ABHD17C: variants seen among roughly 807,000 people sequenced by gnomAD.
ABHD17C encodes the protein alpha/beta hydrolase domain-containing protein 17C.
In ABHD17C, 11 loss-of-function variants were observed where a neutral mutation model predicts 27.9. The observed-to-expected ratio is 0.39, with a 90% CI of 0.25 to 0.65. The LOEUF (loss-of-function observed/expected upper bound fraction) is 0.65. Among genes scored for constraint, ABHD17C ranks in the 30% least tolerant of loss-of-function variants. The pLI, the probability that ABHD17C is intolerant of heterozygous loss-of-function variation, is 0.45. For synonymous variants in ABHD17C, 233 were observed against 209.1 expected, an observed-to-expected ratio of 1.11 and a Z score of -0.98; for missense variants, 280 against 470.2, an observed-to-expected ratio of 0.60 and a Z score of 3.74.
At chr15:80,698,129 A>T (rs1399123016) in intron 1 of ABHD17C, among the ~76,000 whole-genome samples, 3 of 135,526 alleles carry the variant, frequency 2.2e-5, no homozygotes, top group Non-Finnish European at 4.5e-5. Flanking sequence ...CAGTGGCGCC[A>T]TCTTGGCTCA....
chr15:80,720,850 G>A (rs889149690), intron 1 of ABHD17C, among the ~76,000 whole-genome samples: 9 of 151,970 alleles, frequency 5.9e-5, no homozygotes, highest in Admixed American at 4.6e-4. Flanking sequence ...GAACCCGGGA[G>A]GTGGAGGTTG....
intron 1 of ABHD17C, among the ~76,000 whole-genome samples, chr15:80,731,754 A>G (rs540143705): frequency 3.3e-5 from 5 of 152,326 alleles, no homozygotes; most frequent in Admixed American, 2.0e-4. Context: ...TTTATAATAA[A>G]ATCTCATTTA....
rs778893943 is a variant in ABHD17C at position 80,749,660 on chromosome 15, C to G, written c.738C>G (p.Thr246=). Residue 246 remains threonine (T), a synonymous_variant, in exon 2 of 3, where the codon ACC becomes ACG. Transcript: ENST00000258884. ...GTTTGCGTGTGGCTTTTCCGGATAC[C>G]AGGAAAACATACTGCTTTGATGCTT... ...MSGLRVAFPD[T]RKTYCFDAFP... is the part of the protein sequence containing the mutation. The G allele has an allele frequency of 2.5e-6, 4 of 1,613,776 alleles. No homozygotes were observed. In the Admixed American group the frequency reaches 6.7e-5, roughly 27 times the overall value.
At chr15:80,705,036 G>C (rs1894625959) in intron 1 of ABHD17C, 1 of 152,326 alleles carries the variant, frequency 6.6e-6, no homozygotes, top group Admixed American at 6.5e-5. Flanking sequence ...GATCTGTGGT[G>C]TGGACATAAT....
chr15:80,749,826 A>G, intron 2 of ABHD17C, 134 bp downstream of exon 2: 1 of 1,046,762 alleles, frequency 9.6e-7, no homozygotes, highest in East Asian at 2.6e-5. Context: ...GCCACAGGGC[A>G]TGTGGGAGCA....
intron 1 of ABHD17C, among the ~76,000 whole-genome samples, chr15:80,734,896 C>T (rs1222653213): frequency 1.3e-5 from 2 of 152,170 alleles, no homozygotes; most frequent in Non-Finnish European, 2.9e-5. Context: ...GGAAAGGCTA[C>T]ATTGATTAGC....
At chr15:80,742,236 A>G (rs915477804) in intron 1 of ABHD17C, among the ~76,000 whole-genome samples, 2 of 152,192 alleles carry the variant, frequency 1.3e-5, no homozygotes, top group African/African-American at 4.8e-5. Context: ...GAGACCCAGG[A>G]AAGGCTGTGA....
intron 1 of ABHD17C, among the ~76,000 whole-genome samples, chr15:80,713,860 T>A (rs1406657250): frequency 6.6e-6 from 1 of 150,610 alleles, no homozygotes; most frequent in South Asian, 2.1e-4. Flanking sequence ...GCCTGGGTAG[T>A]CTTATAATAT....
chr15:80,709,136 A>G lies in ABHD17C; in HGVS notation c.590+13117A>G, dbSNP rs113604588. On this transcript the variant is annotated intron_variant, in intron 1 of 2. Transcript: ENST00000258884. ...GGTTTCAACATTTTTTAAGCAGTAA[A>G]TATATACTTTTATAAATATATGTAT... Among the ~76,000 whole-genome samples, 29 of 152,168 alleles carry G rather than the reference A, an allele frequency of 1.9e-4. 1 individual carries two copies. Among genetic ancestry groups the G allele is most frequent in the Admixed American group, 5.2e-4 (8 of 15,294 alleles).
intron 1 of ABHD17C, among the ~76,000 whole-genome samples, chr15:80,716,010 A>G (rs1894799332): frequency 6.6e-6 from 1 of 152,214 alleles, no homozygotes. Context: ...GATAACCTAT[A>G]TTAAATAATC....
In ABHD17C at chr15:80,754,503, G is replaced by C. The variant is rs1895408706; in HGVS notation, c.*133G>C. 1.3e-5 allele frequency: 9 copies of C among 711,626 alleles called. No individual in the cohort carries two copies. The highest frequency in any genetic ancestry group is 2.1e-5 in the Non-Finnish European group (9 of 438,894). The allele number at this position is 711,626 out of a possible 1,614,324, so 44.1% of individuals were successfully genotyped here. On this transcript the variant is annotated 3_prime_UTR_variant, in exon 3 of 3. Coordinates refer to ENST00000258884, the MANE Select transcript of ABHD17C (RefSeq NM_021214.2). ...CAACCTTTAGGGTGTTCTAATCAAAGAGCTGATGAAATCTCAGTCTTTTGT... is the reference window on the plus strand; with the variant it reads ...CAACCTTTAGGGTGTTCTAATCAAACAGCTGATGAAATCTCAGTCTTTTGT...
At chr15:80,742,091 A>G (rs1348019770) in intron 1 of ABHD17C, among the ~76,000 whole-genome samples, 1 of 152,232 alleles carries the variant, frequency 6.6e-6, no homozygotes, top group Non-Finnish European at 1.5e-5. Flanking sequence ...TAGGTAATTG[A>G]AACCGTGAAA....
At chr15:80,702,003 CCTCTT>C (rs914136353) in intron 1 of ABHD17C, among the ~76,000 whole-genome samples, 2 of 152,134 alleles carry the variant, frequency 1.3e-5, no homozygotes, top group Admixed American at 1.3e-4. Context: ...CTCTCACTCT[CCTCTT>C]GCCACAATTT....
At chr15:80,702,967 C>G (rs773469205) in intron 1 of ABHD17C, 5 of 152,294 alleles carry the variant, frequency 3.3e-5, no homozygotes, top group Non-Finnish European at 7.4e-5. Context: ...TTCACTATGT[C>G]AGTTTTGTGC....
intron 1 of ABHD17C, among the ~76,000 whole-genome samples, chr15:80,707,376 C>T (rs1051951977): frequency 2.0e-5 from 3 of 152,212 alleles, no homozygotes; most frequent in Non-Finnish European, 4.4e-5. Context: ...TGACATACTG[C>T]AGTCTTTCTT....
intron 1 of ABHD17C, among the ~76,000 whole-genome samples, chr15:80,734,668 A>T (rs1384618966): frequency 1.3e-5 from 2 of 152,214 alleles, no homozygotes; most frequent in Admixed American, 1.3e-4. Flanking sequence ...GAGAAAGGGT[A>T]TATGGTAGGA....
At chr15:80,723,100 A>G (rs1418946747) in intron 1 of ABHD17C, among the ~76,000 whole-genome samples, 2 of 151,258 alleles carry the variant, frequency 1.3e-5, no homozygotes, top group Non-Finnish European at 2.9e-5. Context: ...AAGGATACTG[A>G]GGGATGGCTG....
At chr15:80,733,598 A>G (rs975896508) in intron 1 of ABHD17C, among the ~76,000 whole-genome samples, 1 of 152,182 alleles carries the variant, frequency 6.6e-6, no homozygotes, top group Non-Finnish European at 1.5e-5. Context: ...CTCTATCCCC[A>G]GTAAGTCACT....
chr15:80,730,733 T>C (rs1895046771), intron 1 of ABHD17C, among the ~76,000 whole-genome samples: 1 of 152,208 alleles, frequency 6.6e-6, no homozygotes, highest in Admixed American at 6.5e-5. Context: ...AGGCTTGTGT[T>C]GCTTGCAAAA....
Sources: gnomAD v4.1 joint callset for allele counts (sites outside exome capture counted in the v4.1 genomes callset) on GRCh38, gnomAD v4.1.1 for gene constraint, MANE v1.5 for transcripts, NCBI Gene and HGNC (gene_info 2026-07-23, HGNC 2026-07-21) for gene names.